The following NDRG1 variants were observed in gnomAD, a reference collection of about 807,000 sequenced individuals.
NDRG1 encodes N-myc downstream regulated 1, also known as protein NDRG1.
A neutral mutation model predicts 56.9 loss-of-function variants in NDRG1; 32 were observed. That is an observed-to-expected ratio of 0.56 (90% CI 0.42 to 0.76). NDRG1 has a LOEUF of 0.76. Ranked by LOEUF, NDRG1 falls within the 30% of genes least tolerant of loss-of-function variation. The pLI is 0.00. For missense variants in NDRG1, 507 were observed against 545.7 expected, an observed-to-expected ratio of 0.93 and a Z score of 0.71; for synonymous variants, 211 against 204.1, an observed-to-expected ratio of 1.03 and a Z score of -0.29.
chr8:133,265,767 C>T (rs1856888115), intron 3 of NDRG1, among the ~76,000 whole-genome samples: 1 of 152,226 alleles, frequency 6.6e-6, no homozygotes, highest in Non-Finnish European at 1.5e-5. Context: ...CTGTCACCTG[C>T]CATGTTCATC....
Position 133,253,434 on chromosome 8 carries a change from T to C in NDRG1, c.594+1105A>G, listed in dbSNP as rs557981945. Among the ~76,000 whole-genome samples the C allele has an allele frequency of 5.4e-4, 82 of 152,332 alleles. No homozygotes were observed. In the South Asian group the frequency reaches 9.1e-3, roughly 17 times the overall value. Reference sequence around the variant, plus strand: ...CTCAACCTCTCTGGTCTGTTTCCTCTTCCATAAACTGGGAATGAGAACAGA... The same window carrying C: ...CTCAACCTCTCTGGTCTGTTTCCTCCTCCATAAACTGGGAATGAGAACAGA... On this transcript the variant is annotated intron_variant, in intron 9 of 15. Transcript: ENST00000323851.
chr8:133,273,563 C>T (rs924950672), intron 3 of NDRG1, among the ~76,000 whole-genome samples: 3 of 152,212 alleles, frequency 2.0e-5, no homozygotes, highest in African/African-American at 7.2e-5. Flanking sequence ...AATAGCCCAG[C>T]ACGGTTTCTG....
intron 3 of NDRG1, among the ~76,000 whole-genome samples, chr8:133,266,482 C>T (rs1466349390): frequency 6.6e-6 from 1 of 152,174 alleles, no homozygotes; most frequent in Non-Finnish European, 1.5e-5. Flanking sequence ...CCTGTGGGGG[C>T]AAGTCACCTC....
At chr8:133,246,429 C>T (rs1352085592) in intron 13 of NDRG1, among the ~76,000 whole-genome samples, 187 bp downstream of exon 13, 1 of 152,248 alleles carries the variant, frequency 6.6e-6, no homozygotes, top group Non-Finnish European at 1.5e-5. Flanking sequence ...AGAAGGATCC[C>T]TCATCTTTGC....
intron 3 of NDRG1, among the ~76,000 whole-genome samples, chr8:133,266,312 A>G (rs536283196): frequency 1.1e-4 from 17 of 152,394 alleles, no homozygotes; most frequent in Admixed American, 5.2e-4. Flanking sequence ...GAGGCAGTGA[A>G]GTGGAACACA....
chr8:133,291,943 C>T (rs750531427), intron 1 of NDRG1, among the ~76,000 whole-genome samples: 2 of 152,184 alleles, frequency 1.3e-5, no homozygotes, highest in Admixed American at 1.3e-4. Context: ...GTGTCCCAAA[C>T]ACAACAGCAG....
intron 6 of NDRG1, 145 bp downstream of exon 6, chr8:133,259,021 TCA>T (rs1317040353): frequency 4.9e-6 from 4 of 818,344 alleles, no homozygotes; most frequent in Non-Finnish European, 8.6e-6. Context: ...AGAACAGTGT[TCA>T]CAGAGTGACG....
In NDRG1 at chr8:133,280,045, T is replaced by C. The variant is rs2977507; in HGVS notation, c.99+187A>G. On this transcript the variant is annotated intron_variant, in intron 3 of 15. Coordinates refer to ENST00000323851, the MANE Select transcript of NDRG1 (RefSeq NM_006096.4). ...TGGGAAGTGACTGGTTCCTGATTCTTTGGCCAGCACTCAAGTCAGCTTCTG... is the reference window on the plus strand; with the variant it reads ...TGGGAAGTGACTGGTTCCTGATTCTCTGGCCAGCACTCAAGTCAGCTTCTG... Among the ~76,000 whole-genome samples the C allele has an allele frequency of 1, 152,316 of 152,316 alleles. 76,158 individuals are homozygous for C. The highest frequency in any genetic ancestry group is 1 in the Non-Finnish European group (68,034 of 68,034).
intron 8 of NDRG1, chr8:133,255,422 A>G (rs547067697): frequency 3.9e-5 from 18 of 456,188 alleles, no homozygotes; most frequent in Non-Finnish European, 7.9e-5. Context: ...AAAGAAGGGA[A>G]TAGTACAGCT....
intron 13 of NDRG1, chr8:133,244,801 A>C: frequency 3.3e-6 from 1 of 303,332 alleles, no homozygotes; most frequent in East Asian, 7.4e-5. Context: ...TATTCCCTTG[A>C]AAGTTTCCCT....
At chr8:133,251,377 G>A (rs1856032764) in intron 9 of NDRG1, among the ~76,000 whole-genome samples, 1 of 152,194 alleles carries the variant, frequency 6.6e-6, no homozygotes, top group South Asian at 2.1e-4. Context: ...GATCATTTAG[G>A]CAGCAAGGAG....
At chr8:133,286,307 T>G (rs1858111027) in intron 1 of NDRG1, among the ~76,000 whole-genome samples, 1 of 152,202 alleles carries the variant, frequency 6.6e-6, no homozygotes, top group Non-Finnish European at 1.5e-5. Context: ...ATTCTACATT[T>G]AAAAGGACTC....
intron 4 of NDRG1, among the ~76,000 whole-genome samples, chr8:133,263,562 C>T (rs1293537691): frequency 6.6e-6 from 1 of 152,216 alleles, no homozygotes; most frequent in Non-Finnish European, 1.5e-5. Context: ...ACAGTCTAAA[C>T]ATTCGTAGCA....
chr8:133,274,474 T>C (rs190259036), intron 3 of NDRG1, among the ~76,000 whole-genome samples: 1 of 152,214 alleles, frequency 6.6e-6, no homozygotes, highest in South Asian at 2.1e-4. Context: ...TCAGACTCCT[T>C]AGACTGGACC....
At chr8:133,273,538 G>C (rs975791799) in intron 3 of NDRG1, among the ~76,000 whole-genome samples, 4 of 152,222 alleles carry the variant, frequency 2.6e-5, no homozygotes, top group Non-Finnish European at 5.9e-5. Context: ...AGGATCACAT[G>C]AGCGGATGCA....
At chr8:133,254,440 G>T (rs1856254812) in intron 9 of NDRG1, 99 bp downstream of exon 9, 4 of 1,259,330 alleles carry the variant, frequency 3.2e-6, no homozygotes, top group Non-Finnish European at 4.5e-6. Flanking sequence ...CCAGTTGATT[G>T]TGTCTTGTTC....
chr8:133,278,366 TTC>T (rs1857577310), intron 3 of NDRG1, among the ~76,000 whole-genome samples: 1 of 152,144 alleles, frequency 6.6e-6, no homozygotes, highest in Admixed American at 6.5e-5. Context: ...ACTTCCCCCT[TTC>T]TCTGTCCCTC....
rs533088268 is a variant in NDRG1 at position 133,246,721 on chromosome 8, T to C, written c.808-58A>G. On this transcript the variant is annotated intron_variant, in intron 12 of 15. Coordinates refer to ENST00000323851, the MANE Select transcript of NDRG1 (RefSeq NM_006096.4). ...TACGTGAAGCCAAAGCCAAAACATC[T>C]CCCCCTTCTCCGCCACTCTGCCACC... 2.5e-4 allele frequency: 365 copies of C among 1,480,502 alleles called. 1 individual carries two copies. The African/African-American group carries it at 4.5e-3, about 18-fold the overall frequency. The allele number at this position is 1,480,502 out of a possible 1,614,324, so 91.7% of individuals were successfully genotyped here.
At chr8:133,268,324 A>G (rs1483999162) in intron 3 of NDRG1, among the ~76,000 whole-genome samples, 1 of 152,110 alleles carries the variant, frequency 6.6e-6, no homozygotes, top group Non-Finnish European at 1.5e-5. Flanking sequence ...TAAGACCCCC[A>G]GGGTTGGTGA....
Sources: allele counts gnomAD v4.1 joint callset (sites outside exome capture counted in the v4.1 genomes callset), GRCh38; gene constraint gnomAD v4.1.1; transcripts MANE v1.5; gene names NCBI Gene and HGNC (gene_info 2026-07-23, HGNC 2026-07-21).